The following IL1RAPL1 variants were observed in gnomAD, a reference collection of about 807,000 sequenced individuals.
IL1RAPL1 encodes interleukin-1 receptor accessory protein-like 1.
IL1RAPL1 carries 3 observed loss-of-function variants against 48.4 expected under a neutral mutation model. The observed-to-expected ratio is 0.06, with a 90% CI of 0.03 to 0.16. The LOEUF (loss-of-function observed/expected upper bound fraction) is 0.16. Ranked by LOEUF, IL1RAPL1 falls within the 10% of genes least tolerant of loss-of-function variation. IL1RAPL1 has a pLI of 1.00. For missense variants in IL1RAPL1, 349 were observed against 530.6 expected (o/e 0.66, Z 3.36); for synonymous variants, 185 against 187.7 (o/e 0.99, Z 0.12).
At chrX:29,563,403 A>G (rs16988670) in intron 5 of IL1RAPL1, among the ~76,000 whole-genome samples, 1,953 of 111,849 alleles carry the variant, frequency 0.017, 36 homozygotes, top group African/African-American at 0.059. Context: ...GAGATGATAT[A>G]CCTAGTTTTC....
chrX:28,602,159 A>G (rs1254965281), intron 1 of IL1RAPL1, among the ~76,000 whole-genome samples: 1 of 110,820 alleles, frequency 9.0e-6, no homozygotes, highest in African/African-American at 3.3e-5. Flanking sequence ...CCAAGAATTC[A>G]ATCAAGGTGA....
At chrX:29,324,077 T>A (rs1932828291) in intron 3 of IL1RAPL1, among the ~76,000 whole-genome samples, 2 of 109,019 alleles carry the variant, frequency 1.8e-5, no homozygotes. Context: ...CATTTTTGGA[T>A]TTTGAAGCAC....
At chrX:29,003,533 T>C (rs1406260655) in intron 2 of IL1RAPL1, among the ~76,000 whole-genome samples, 1 of 112,251 alleles carries the variant, frequency 8.9e-6, no homozygotes, top group Non-Finnish European at 1.9e-5. Context: ...CATAACTTGG[T>C]ACATGATATG....
chrX:29,553,766 C>T (rs1298541286), intron 5 of IL1RAPL1, among the ~76,000 whole-genome samples: 1 of 111,134 alleles, frequency 9.0e-6, no homozygotes, highest in Admixed American at 9.6e-5. Context: ...CTTGGCTCTT[C>T]ACTGTGAGAA....
At chrX:29,167,398 A>C (rs1361721131) in intron 2 of IL1RAPL1, among the ~76,000 whole-genome samples, 1 of 107,720 alleles carries the variant, frequency 9.3e-6, no homozygotes, top group African/African-American at 3.4e-5. Context: ...AATATTGTAT[A>C]ATCAAAAAGT....
intron 2 of IL1RAPL1, among the ~76,000 whole-genome samples, chrX:29,171,782 T>G (rs1420283498): frequency 9.0e-6 from 1 of 110,867 alleles, no homozygotes; most frequent in African/African-American, 3.3e-5. Flanking sequence ...AAATATCATG[T>G]CTATGTTTCT....
chrX:29,323,856 T>C lies in IL1RAPL1; in HGVS notation c.362+40639T>C, dbSNP rs372863666. Among the ~76,000 whole-genome samples, 27 of 92,084 alleles carry C rather than the reference T, an allele frequency of 2.9e-4. 1 individual carries two copies. Among genetic ancestry groups the C allele is most frequent in the African/African-American group, 1.1e-3 (26 of 24,647 alleles). 80.0% of individuals were successfully genotyped at this position (92,084 alleles called of 115,157 possible). ...AACAAACGGGTCACTCTTGTTCCCC[T>C]ACTTCCTCACTTTCCTATTCAATTA... On this transcript the variant is annotated intron_variant, in intron 3 of 10. Coordinates refer to ENST00000378993, the MANE Select transcript of IL1RAPL1 (RefSeq NM_014271.4).
intron 6 of IL1RAPL1, among the ~76,000 whole-genome samples, chrX:29,891,047 C>G (rs1356537360): frequency 9.0e-6 from 1 of 111,724 alleles, no homozygotes; most frequent in African/African-American, 3.3e-5. Flanking sequence ...ATCCTTTCTT[C>G]CAGTTCACTG....
At chrX:29,184,307 G>T (rs1263085278) in intron 2 of IL1RAPL1, among the ~76,000 whole-genome samples, 1 of 111,296 alleles carries the variant, frequency 9.0e-6, no homozygotes, top group African/African-American at 3.3e-5. Flanking sequence ...CCTAATAAAG[G>T]CTTGATGAGT....
intron 2 of IL1RAPL1, among the ~76,000 whole-genome samples, chrX:28,990,450 A>G (rs1925577127): frequency 8.9e-6 from 1 of 112,277 alleles, no homozygotes; most frequent in Admixed American, 9.5e-5. Flanking sequence ...ATCCTTAGAC[A>G]TACTAAATAG....
chrX:28,897,201 GAC>G (rs1426818346), intron 2 of IL1RAPL1, among the ~76,000 whole-genome samples: 1 of 96,015 alleles, frequency 1.0e-5, no homozygotes, highest in African/African-American at 4.0e-5. Context: ...AAGGGGTAGA[GAC>G]ACGGAGAGAA....
intron 6 of IL1RAPL1, among the ~76,000 whole-genome samples, chrX:29,681,016 C>T (rs1926436221): frequency 8.9e-6 from 1 of 112,158 alleles, no homozygotes; most frequent in Admixed American, 9.4e-5. Context: ...ATTATAAAAT[C>T]AACTTCACGT....
At chrX:29,112,048 G>GC (rs1337748670) in intron 2 of IL1RAPL1, among the ~76,000 whole-genome samples, 1 of 102,290 alleles carries the variant, frequency 9.8e-6, no homozygotes, top group African/African-American at 3.6e-5. Context: ...TCTCACCTCT[G>GC]CCCCCCGAGT....
At chrX:28,753,561 C>T (rs1936068830) in intron 1 of IL1RAPL1, among the ~76,000 whole-genome samples, 1 of 112,327 alleles carries the variant, frequency 8.9e-6, no homozygotes. Context: ...TCTTGATTCT[C>T]ACATGCTTCA....
At chrX:29,590,120 C>A (rs970666099) in intron 5 of IL1RAPL1, among the ~76,000 whole-genome samples, 6 of 111,038 alleles carry the variant, frequency 5.4e-5, no homozygotes, top group Middle Eastern at 4.6e-3. Context: ...TGCCTTTAAA[C>A]AGATCTCACG....
chrX:29,467,136 A>G (rs1210473979), intron 5 of IL1RAPL1, among the ~76,000 whole-genome samples: 1 of 111,886 alleles, frequency 8.9e-6, no homozygotes, highest in Non-Finnish European at 1.9e-5. Flanking sequence ...TATTTAATTT[A>G]TAGTTTATTT....
At chrX:29,525,101 C>T (rs1350678310) in intron 5 of IL1RAPL1, among the ~76,000 whole-genome samples, 1 of 111,993 alleles carries the variant, frequency 8.9e-6, no homozygotes, top group African/African-American at 3.2e-5. Context: ...CTTTTTGTTC[C>T]AGTGATTCAT....
intron 3 of IL1RAPL1, among the ~76,000 whole-genome samples, chrX:29,395,638 C>T (rs1259056619): frequency 1.8e-5 from 2 of 111,926 alleles, no homozygotes; most frequent in African/African-American, 6.5e-5. Flanking sequence ...CTCTGACAAC[C>T]TGGACTCTAG....
intron 5 of IL1RAPL1, among the ~76,000 whole-genome samples, chrX:29,412,278 GA>G (rs775775782): frequency 0.017 from 1,652 of 99,025 alleles, 60 homozygotes; most frequent in Admixed American, 0.13. Flanking sequence ...CAAAAAAAAA[GA>G]AAAAAAAAAT....
Sources: allele counts gnomAD v4.1 joint callset (sites outside exome capture counted in the v4.1 genomes callset), GRCh38; gene constraint gnomAD v4.1.1; transcripts MANE v1.5; gene names NCBI Gene and HGNC (gene_info 2026-07-23, HGNC 2026-07-21).